The following NFIB variants were observed in gnomAD, a reference collection of about 807,000 sequenced individuals.
The protein encoded by NFIB is nuclear factor 1 B-type.
A neutral mutation model predicts 61.5 loss-of-function variants in NFIB; 11 were observed. The observed-to-expected ratio is 0.18, with a 90% CI of 0.11 to 0.30. The LOEUF is 0.30. NFIB is among the 10% of genes least tolerant of loss of function. The pLI, the probability that NFIB is intolerant of heterozygous loss-of-function variation, is 1.00. For missense variants in NFIB, 471 were observed against 608.9 expected (o/e 0.77, Z 2.38); for synonymous variants, 260 against 216.5 (o/e 1.20, Z -1.76).
intron 2 of NFIB, among the ~76,000 whole-genome samples, chr9:14,253,879 T>A (rs1461891793): frequency 6.6e-6 from 1 of 152,162 alleles, no homozygotes; most frequent in African/African-American, 2.4e-5. Context: ...ATCATGGGTC[T>A]TGTATTCCAG....
chr9:14,230,234 G>T (rs550768934), intron 2 of NFIB, among the ~76,000 whole-genome samples: 1 of 152,248 alleles, frequency 6.6e-6, no homozygotes, highest in Non-Finnish European at 1.5e-5. Flanking sequence ...AATTCATTCA[G>T]GTTCTATGAA....
intron 2 of NFIB, among the ~76,000 whole-genome samples, chr9:14,242,892 C>T (rs1563937334): frequency 2.0e-5 from 3 of 152,130 alleles, no homozygotes; most frequent in Non-Finnish European, 2.9e-5. Context: ...CACACACAGG[C>T]TAATGAATAT....
chr9:14,494,808 G>C, the NFIB span, among the ~76,000 whole-genome samples: 1 of 152,012 alleles, frequency 6.6e-6, no homozygotes, highest in Non-Finnish European at 1.5e-5. Context: ...CCTTCAGACT[G>C]GCCACTCTCA....
chr9:14,319,355 C>G (rs1050506148), intron 1 of NFIB, among the ~76,000 whole-genome samples: 1 of 152,156 alleles, frequency 6.6e-6, no homozygotes, highest in Non-Finnish European at 1.5e-5. Context: ...CAGAGATTCC[C>G]AACACTGTAA....
At chr9:14,399,924 A>G (rs1219901124), upstream of NFIB, among the ~76,000 whole-genome samples, 2 of 152,052 alleles carry the variant, frequency 1.3e-5, no homozygotes, top group African/African-American at 2.4e-5. Context: ...CCATCTCTCA[A>G]TGTTCAGATT....
At chr9:14,349,695 G>T (rs1018591060) in intron 1 of NFIB, among the ~76,000 whole-genome samples, 3 of 152,154 alleles carry the variant, frequency 2.0e-5, no homozygotes, top group African/African-American at 7.2e-5. Flanking sequence ...TACGGAGAAG[G>T]AGGGAAGTTA....
chr9:14,301,654 T>C (rs574021455), intron 2 of NFIB, among the ~76,000 whole-genome samples: 1 of 151,614 alleles, frequency 6.6e-6, no homozygotes, highest in South Asian at 2.1e-4. Context: ...TAGTTTGCCA[T>C]ATCGGAACAC....
chr9:14,469,927 A>G, the NFIB span, among the ~76,000 whole-genome samples: 1 of 152,154 alleles, frequency 6.6e-6, no homozygotes, highest in African/African-American at 2.4e-5. Flanking sequence ...TTCCCCAAAT[A>G]TTCTATTTGT....
chr9:14,207,036 A>G (rs2049812354), intron 2 of NFIB, among the ~76,000 whole-genome samples: 1 of 152,202 alleles, frequency 6.6e-6, no homozygotes, highest in Admixed American at 6.5e-5. Context: ...AATAATAGTA[A>G]GGCTAACAGT....
At chr9:14,399,002 G>C (rs1455115841), upstream of NFIB, 1 of 228,486 alleles carries the variant, frequency 4.4e-6, no homozygotes, top group Non-Finnish European at 8.6e-6. Flanking sequence ...CCTAGCTACA[G>C]ATGACTACTG....
chr9:14,214,115 C>T (rs1054780508), intron 2 of NFIB, among the ~76,000 whole-genome samples: 3 of 152,164 alleles, frequency 2.0e-5, no homozygotes, highest in Admixed American at 2.0e-4. Flanking sequence ...ATCCTAGCCC[C>T]CCATTAATTC....
At chr9:14,308,152 G>A (rs1387299490) in intron 1 of NFIB, 4 of 152,150 alleles carry the variant, frequency 2.6e-5, no homozygotes, top group East Asian at 1.9e-4. Flanking sequence ...CTTATCAAAC[G>A]TCCAACATTC....
intron 1 of NFIB, among the ~76,000 whole-genome samples, chr9:14,387,071 G>T (rs1444873382): frequency 6.6e-6 from 1 of 152,232 alleles, no homozygotes; most frequent in Non-Finnish European, 1.5e-5. Flanking sequence ...GAAATGGTGT[G>T]AGATTCTGAC....
chr9:14,155,345 C>A (rs573987738), intron 4 of NFIB, among the ~76,000 whole-genome samples: 1 of 152,306 alleles, frequency 6.6e-6, no homozygotes, highest in Admixed American at 6.5e-5. Context: ...TGCTTTCTAT[C>A]TATATCCAAC....
At chr9:14,427,133 C>G in the NFIB span, among the ~76,000 whole-genome samples, 1 of 152,160 alleles carries the variant, frequency 6.6e-6, no homozygotes, top group Non-Finnish European at 1.5e-5. Context: ...ATAATCTTAT[C>G]ATGATGGATT....
chr9:14,315,578 C>T (rs1447297629), upstream of NFIB, among the ~76,000 whole-genome samples: 2 of 144,334 alleles, frequency 1.4e-5, no homozygotes, highest in South Asian at 4.2e-4. Flanking sequence ...CCGCTGCAGC[C>T]CTCCAGAGGC....
chr9:14,270,339 C>A (rs2057503798), intron 2 of NFIB, among the ~76,000 whole-genome samples: 1 of 151,980 alleles, frequency 6.6e-6, no homozygotes, highest in African/African-American at 2.4e-5. Context: ...GCTTGTGGCA[C>A]ATAGTCAGTT....
chr9:14,372,450 T>C (rs2061368760), intron 1 of NFIB, among the ~76,000 whole-genome samples: 1 of 152,248 alleles, frequency 6.6e-6, no homozygotes, highest in South Asian at 2.1e-4. Context: ...AAATTATCTC[T>C]GTTTTCTTAT....
chr9:14,227,810 G>C (rs1194490625), intron 2 of NFIB, among the ~76,000 whole-genome samples: 1 of 152,178 alleles, frequency 6.6e-6, no homozygotes, highest in Non-Finnish European at 1.5e-5. Context: ...ACGTGCCCAA[G>C]TTAATATTGC....
Sources: gnomAD v4.1 joint callset for allele counts (sites outside exome capture counted in the v4.1 genomes callset) on GRCh38, gnomAD v4.1.1 for gene constraint, MANE v1.5 for transcripts, NCBI Gene and HGNC (gene_info 2026-07-23, HGNC 2026-07-21) for gene names.